ITPR1: variants seen among roughly 807,000 people sequenced by gnomAD.
ITPR1 encodes the protein inositol 1,4,5-trisphosphate receptor type 1.
A neutral mutation model predicts 318.4 loss-of-function variants in ITPR1; 96 were observed. The ratio of observed to expected loss-of-function variants is 0.30; its 90% confidence interval spans 0.26 to 0.36. The LOEUF is 0.36. Among genes scored for constraint, ITPR1 ranks in the 10% least tolerant of loss-of-function variants. The pLI, the probability that ITPR1 is intolerant of heterozygous loss-of-function variation, is 1.00. For missense variants in ITPR1, 2,440 were observed against 3,460.2 expected, an observed-to-expected ratio of 0.71 and a Z score of 7.40; for synonymous variants, 1,312 against 1,289.9, an observed-to-expected ratio of 1.02 and a Z score of -0.37.
intron 24 of ITPR1, among the ~76,000 whole-genome samples, chr3:4,680,196 CTT>C (rs1464388486): frequency 6.6e-6 from 1 of 152,170 alleles, no homozygotes; most frequent in Non-Finnish European, 1.5e-5. Flanking sequence ...CAACTTCACT[CTT>C]TTCAGTGTTA....
chr3:4,814,722 T>A, intron 58 of ITPR1, 160 bp downstream of exon 58: 1 of 704,262 alleles, frequency 1.4e-6, no homozygotes. Context: ...CTTTCCTCTC[T>A]ATCACGTGAG....
intron 2 of ITPR1, among the ~76,000 whole-genome samples, chr3:4,503,293 T>C (rs975642185): frequency 2.0e-5 from 3 of 152,144 alleles, no homozygotes; most frequent in African/African-American, 7.2e-5. Flanking sequence ...CATATTGGTA[T>C]TGCCCTGGTG....
At chr3:4,731,416 C>G (rs2042918259) in intron 42 of ITPR1, among the ~76,000 whole-genome samples, 2 of 152,136 alleles carry the variant, frequency 1.3e-5, no homozygotes, top group African/African-American at 4.8e-5. Context: ...TTGAAGCACT[C>G]TTGGAATTTT....
intron 4 of ITPR1, among the ~76,000 whole-genome samples, chr3:4,568,114 T>C (rs1372280070): frequency 6.6e-6 from 1 of 152,194 alleles, no homozygotes; most frequent in African/African-American, 2.4e-5. Flanking sequence ...ATTAAGAGTC[T>C]GTGATTTTTA....
intron 51 of ITPR1, among the ~76,000 whole-genome samples, chr3:4,785,791 G>A (rs1371924422): frequency 2.0e-5 from 3 of 152,224 alleles, no homozygotes. Context: ...AGGGATGTTA[G>A]AAGGACTGAA....
At chr3:4,711,927 C>A in intron 39 of ITPR1, 59 bp downstream of exon 39, 1 of 757,194 alleles carries the variant, frequency 1.3e-6, no homozygotes, top group Non-Finnish European at 2.1e-6. Context: ...AAGGGAGGGA[C>A]CTTTCAAAAC....
At chr3:4,566,255 A>G (rs1317840410) in intron 4 of ITPR1, among the ~76,000 whole-genome samples, 1 of 152,178 alleles carries the variant, frequency 6.6e-6, no homozygotes, top group African/African-American at 2.4e-5. Context: ...TGTTGGATAG[A>G]TCTTCTAAGA....
intron 55 of ITPR1, 113 bp downstream of exon 55, chr3:4,806,380 C>T: frequency 9.4e-7 from 1 of 1,065,774 alleles, no homozygotes; most frequent in Non-Finnish European, 1.4e-6. Flanking sequence ...GCCTGGTCCA[C>T]CAAGATTGAA....
chr3:4,788,296 C>T (rs193263472), intron 52 of ITPR1, among the ~76,000 whole-genome samples, 157 bp downstream of exon 52: 1 of 152,326 alleles, frequency 6.6e-6, no homozygotes, highest in Admixed American at 6.5e-5. Flanking sequence ...ACCAGTTTTG[C>T]AGCTGATCAG....
intron 4 of ITPR1, among the ~76,000 whole-genome samples, chr3:4,576,627 C>G (rs2088693139): frequency 1.3e-5 from 2 of 152,190 alleles, no homozygotes; most frequent in Non-Finnish European, 2.9e-5. Flanking sequence ...GTTGGACGGA[C>G]TGATGGCAAA....
chr3:4,818,477 C>T (rs1001422748), intron 60 of ITPR1, among the ~76,000 whole-genome samples: 8 of 152,062 alleles, frequency 5.3e-5, no homozygotes, highest in Non-Finnish European at 8.8e-5. Flanking sequence ...TGTTGAGCCT[C>T]GGTGAGATTA....
intron 46 of ITPR1, among the ~76,000 whole-genome samples, chr3:4,771,562 G>C (rs1177559688): frequency 6.6e-6 from 1 of 152,108 alleles, no homozygotes; most frequent in Non-Finnish European, 1.5e-5. Flanking sequence ...GAAGTCTTCA[G>C]ATTTTTAGTT....
chr3:4,606,016 C>T (rs2091678592), intron 4 of ITPR1, among the ~76,000 whole-genome samples: 1 of 152,186 alleles, frequency 6.6e-6, no homozygotes, highest in Non-Finnish European at 1.5e-5. Flanking sequence ...TTACCATTTG[C>T]AACAGTTTCC....
rs1021898229 is a variant in ITPR1, at chr3:4,847,320, A to AAAAT, written c.*1097_*1100dup. On this transcript the variant is annotated 3_prime_UTR_variant, in exon 62 of 62. Coordinates refer to ENST00000649015, the MANE Select transcript of ITPR1 (RefSeq NM_001378452.1). ...CATGATTTCTTTTCTTGATGGATGA[A>AAAAT]AAATATGAAAGGAAACTTTTATATC... The AAAAT allele has an allele frequency of 2.6e-5, 4 of 152,542 alleles. No homozygotes were observed. The highest frequency in any genetic ancestry group is 5.9e-5 in the Non-Finnish European group (4 of 68,024). 9.4% of individuals were successfully genotyped at this position (152,542 alleles called of 1,614,324 possible).
At chr3:4,566,085 G>C (rs1382322622) in intron 4 of ITPR1, among the ~76,000 whole-genome samples, 2 of 152,166 alleles carry the variant, frequency 1.3e-5, no homozygotes, top group African/African-American at 2.4e-5. Flanking sequence ...ATCCTCAAAT[G>C]AACTGCATAA....
At chr3:4,564,933 G>T (rs752515439) in intron 4 of ITPR1, among the ~76,000 whole-genome samples, 2 of 152,314 alleles carry the variant, frequency 1.3e-5, no homozygotes, top group South Asian at 2.1e-4. Flanking sequence ...ACGCAGTTCA[G>T]TTCATAAAAG....
chr3:4,809,932 T>C (rs964342961), intron 55 of ITPR1, among the ~76,000 whole-genome samples: 6 of 152,240 alleles, frequency 3.9e-5, no homozygotes, highest in Non-Finnish European at 8.8e-5. Flanking sequence ...TCTTCCTTGC[T>C]TCCCTTTAAG....
intron 31 of ITPR1, 38 bp from the exon 32 acceptor site, chr3:4,691,106 G>A: frequency 6.9e-7 from 1 of 1,445,556 alleles, no homozygotes; most frequent in Non-Finnish European, 9.5e-7. Flanking sequence ...TCAGCTTTTT[G>A]ACTTGTCCCT....
chr3:4,527,521 G>A (rs868668113), intron 4 of ITPR1, among the ~76,000 whole-genome samples: 4 of 152,272 alleles, frequency 2.6e-5, no homozygotes, highest in Admixed American at 6.5e-5. Flanking sequence ...TGTGGGATGC[G>A]CAGTATGTTA....
Sources: gnomAD v4.1 joint callset for allele counts (sites outside exome capture counted in the v4.1 genomes callset) on GRCh38, gnomAD v4.1.1 for gene constraint, MANE v1.5 for transcripts, NCBI Gene and HGNC (gene_info 2026-07-23, HGNC 2026-07-21) for gene names.